The following ABI2 variants were observed in gnomAD, a reference collection of about 807,000 sequenced individuals.
ABI2 encodes abelson interactor 2.
Under a neutral mutation model 59.2 loss-of-function variants are expected in ABI2, and 25 were observed. The ratio of observed to expected loss-of-function variants is 0.42; its 90% CI spans 0.31 to 0.59. The LOEUF (loss-of-function observed/expected upper bound fraction) is 0.59, where lower values mean the gene tolerates loss of function less well. ABI2 is among the 20% of genes least tolerant of loss of function. The pLI is 0.14. For missense variants in ABI2, 545 were observed against 681.8 expected (o/e 0.80, Z 2.23); for synonymous variants, 213 against 235.5 (o/e 0.90, Z 0.87).
At chr2:203,333,910 C>T (rs1449046462) in intron 1 of ABI2, among the ~76,000 whole-genome samples, 1 of 151,608 alleles carries the variant, frequency 6.6e-6, no homozygotes, top group Non-Finnish European at 1.5e-5. Context: ...AATTAATAAA[C>T]TGTTCATTTA....
At chr2:203,381,108 AT>A (rs977977370) in intron 3 of ABI2, among the ~76,000 whole-genome samples, 1 of 151,972 alleles carries the variant, frequency 6.6e-6, no homozygotes, top group Non-Finnish European at 1.5e-5. Context: ...CATGTAGTTG[AT>A]TTTTTTTCTA....
intron 9 of ABI2, 124 bp downstream of exon 9, chr2:203,402,858 A>T (rs920643417): frequency 1.5e-6 from 1 of 650,786 alleles, no homozygotes; most frequent in African/African-American, 1.9e-5. Context: ...AATGAATGGG[A>T]GAATGAATGA....
At chr2:203,328,661 G>C in intron 1 of ABI2, 30 bp downstream of exon 1, 1 of 1,473,936 alleles carries the variant, frequency 6.8e-7, no homozygotes, top group Non-Finnish European at 9.1e-7. Context: ...GGGCCGCGTC[G>C]GGGACCCCCC....
chr2:203,415,616 CA>C (rs71007515), intron 10 of ABI2, among the ~76,000 whole-genome samples: 1,663 of 42,240 alleles, frequency 0.039, 3 homozygotes, highest in African/African-American at 0.056. Flanking sequence ...GACTCCGTCT[CA>C]AAAAAAAAAA....
At chr2:203,387,404 C>T (rs988094390) in intron 4 of ABI2, among the ~76,000 whole-genome samples, 2 of 152,196 alleles carry the variant, frequency 1.3e-5, no homozygotes, top group Admixed American at 6.5e-5. Context: ...TTGTAGTGAT[C>T]TCCAAAGCCT....
At chr2:203,358,192 C>G (rs548381403) in intron 1 of ABI2, among the ~76,000 whole-genome samples, 1 of 151,458 alleles carries the variant, frequency 6.6e-6, no homozygotes. Context: ...AGTCATAGCT[C>G]GCTATATCTT....
At chr2:203,384,295 T>TGTTTTTA (rs1559289040) in intron 4 of ABI2, among the ~76,000 whole-genome samples, 1 of 87,944 alleles carries the variant, frequency 1.1e-5, no homozygotes, top group Admixed American at 1.2e-4. Context: ...TTTTTGTTTT[T>TGTTTTTA]TTTTTTTTTT....
chr2:203,376,771 T>A (rs1046400584), intron 2 of ABI2, among the ~76,000 whole-genome samples: 6 of 142,854 alleles, frequency 4.2e-5, no homozygotes, highest in African/African-American at 1.5e-4. Context: ...GGTCTATGGG[T>A]TTGGGCTAAG....
At chr2:203,341,924 G>A (rs539665223) in intron 1 of ABI2, among the ~76,000 whole-genome samples, 1 of 152,294 alleles carries the variant, frequency 6.6e-6, no homozygotes, top group Admixed American at 6.5e-5. Context: ...AATAGTGGAA[G>A]CTCATCAAAT....
intron 1 of ABI2, among the ~76,000 whole-genome samples, chr2:203,362,539 A>G (rs910464714): frequency 6.6e-6 from 1 of 151,150 alleles, no homozygotes; most frequent in Non-Finnish European, 1.5e-5. Context: ...TTATTTATTT[A>G]TTTTGAGACT....
chr2:203,382,114 A>G, intron 3 of ABI2, 75 bp from the exon 4 acceptor site: 1 of 1,273,462 alleles, frequency 7.9e-7, no homozygotes, highest in Non-Finnish European at 1.1e-6. Flanking sequence ...CTTTCTCTTC[A>G]CATCCTGAAG....
chr2:203,368,072 G>A (rs1426653898), intron 2 of ABI2, among the ~76,000 whole-genome samples: 1 of 152,042 alleles, frequency 6.6e-6, no homozygotes, highest in East Asian at 1.9e-4. Flanking sequence ...TAAAATTTTG[G>A]GTTCTGCTTT....
At chr2:203,391,648 C>A (rs1184988308) in intron 5 of ABI2, among the ~76,000 whole-genome samples, 1 of 151,962 alleles carries the variant, frequency 6.6e-6, no homozygotes, top group African/African-American at 2.4e-5. Flanking sequence ...TGGTGAAACC[C>A]TGTCTCTACG....
intron 1 of ABI2, among the ~76,000 whole-genome samples, chr2:203,336,074 G>C (rs2076309780): frequency 6.6e-6 from 1 of 152,018 alleles, no homozygotes; most frequent in Non-Finnish European, 1.5e-5. Context: ...TTGACTTCTT[G>C]GTACTAGAAG....
intron 7 of ABI2, 27 bp from the exon 8 acceptor site, chr2:203,396,758 C>T (rs1205562238): frequency 6.7e-7 from 1 of 1,496,308 alleles, no homozygotes; most frequent in Non-Finnish European, 8.9e-7. Flanking sequence ...CTCATTAATG[C>T]TGCCTCTTAC....
chr2:203,373,211 G>A (rs1209917748), intron 2 of ABI2, among the ~76,000 whole-genome samples: 3 of 152,118 alleles, frequency 2.0e-5, no homozygotes, highest in African/African-American at 4.8e-5. Flanking sequence ...CTGCAATCCC[G>A]GCACCTCGGG....
intron 1 of ABI2, among the ~76,000 whole-genome samples, chr2:203,332,147 C>G (rs1559137548): frequency 2.0e-5 from 3 of 151,910 alleles, no homozygotes; most frequent in Admixed American, 1.3e-4. Context: ...TAGATAGTTT[C>G]ATTATTCTAA....
At chr2:203,402,821 A>G (rs989820495) in intron 9 of ABI2, 87 bp downstream of exon 9, 28 of 1,158,704 alleles carry the variant, frequency 2.4e-5, no homozygotes, top group Non-Finnish European at 3.3e-5. Flanking sequence ...CAAATAGTGC[A>G]TGGTAGGTGG....
chr2:203,398,674 G>A (rs922934728), intron 8 of ABI2, among the ~76,000 whole-genome samples: 1 of 152,064 alleles, frequency 6.6e-6, no homozygotes, highest in Non-Finnish European at 1.5e-5. Flanking sequence ...TCCTATCATC[G>A]CAAAAATTTC....
Sources: allele counts gnomAD v4.1 joint callset (sites outside exome capture counted in the v4.1 genomes callset), GRCh38; gene constraint gnomAD v4.1.1; transcripts MANE v1.5; gene names NCBI Gene and HGNC (gene_info 2026-07-23, HGNC 2026-07-21).